TMF1: variants seen among roughly 807,000 people sequenced by gnomAD.
TMF1 encodes TATA element modulatory factor 1, also known as TATA element modulatory factor.
Under a neutral mutation model 126.5 loss-of-function variants are expected in TMF1, and 71 were observed. The ratio of observed to expected loss-of-function variants is 0.56; its 90% confidence interval spans 0.46 to 0.68. The LOEUF (loss-of-function observed/expected upper bound fraction) is 0.68. Among genes scored for constraint, TMF1 ranks in the 30% least tolerant of loss-of-function variants. The pLI is 0.00. For synonymous variants in TMF1, 461 were observed against 430.5 expected (o/e 1.07, Z -0.88); for missense variants, 1,259 against 1,253.2 (o/e 1.00, Z -0.07).
At chr3:69,035,230 C>A in intron 8 of TMF1, 115 bp from the exon 9 acceptor site, 1 of 775,482 alleles carries the variant, frequency 1.3e-6, no homozygotes, top group Non-Finnish European at 2.1e-6. Flanking sequence ...ATTTCATACT[C>A]TCCAATGAAC....
chr3:69,023,330 G>GT lies in TMF1; in HGVS notation c.3139-11dup. 1.3e-6 allele frequency: 2 copies of GT among 1,598,942 alleles called. No individual in the cohort carries two copies. The highest frequency in any genetic ancestry group is 1.1e-5 in the South Asian group (1 of 88,416). On this transcript the variant is annotated splice_polypyrimidine_tract_variant and intron_variant, in intron 16 of 16. Coordinates refer to ENST00000398559, the MANE Select transcript of TMF1 (RefSeq NM_007114.3). The stretch of plus-strand genomic sequence containing the variant: ...ACCTTTGATCCAAATCCTGAAAAAT[G>GT]TATTTGTTTACAATTTTTAAAATAA...
At chr3:69,027,067 C>T (rs2091772361) in intron 13 of TMF1, among the ~76,000 whole-genome samples, 2 of 152,118 alleles carry the variant, frequency 1.3e-5, no homozygotes, top group Admixed American at 6.5e-5. Flanking sequence ...GCGATCTCGG[C>T]TCACTGCAGC....
chr3:69,044,035 A>G (rs115826511), intron 3 of TMF1, among the ~76,000 whole-genome samples, 159 bp from the exon 4 acceptor site: 2,057 of 152,306 alleles, frequency 0.014, 45 homozygotes, highest in African/African-American at 0.047. Flanking sequence ...AAAAAAGGAA[A>G]TTTCCCTTGT....
At chr3:69,050,097 T>C (rs1010252649) in intron 1 of TMF1, among the ~76,000 whole-genome samples, 5 of 151,854 alleles carry the variant, frequency 3.3e-5, no homozygotes, top group Non-Finnish European at 7.4e-5. Context: ...CTGTCTCTAC[T>C]AAAATTACAA....
intron 8 of TMF1, among the ~76,000 whole-genome samples, chr3:69,036,638 A>G (rs1031451285): frequency 1.6e-4 from 24 of 152,240 alleles, no homozygotes; most frequent in African/African-American, 5.8e-4. Flanking sequence ...GCTAAATTGG[A>G]AGTAAATGTC....
intron 11 of TMF1, 46 bp from the exon 12 acceptor site, chr3:69,028,341 G>A (rs750115675): frequency 7.4e-7 from 1 of 1,352,978 alleles, no homozygotes; most frequent in South Asian, 1.2e-5. Flanking sequence ...TGAAAAAGAT[G>A]CTAGTATAGA....
intron 8 of TMF1, 148 bp downstream of exon 8, chr3:69,038,416 A>G: frequency 1.1e-6 from 1 of 909,916 alleles, no homozygotes; most frequent in East Asian, 2.6e-5. Context: ...TTTAAAAAAC[A>G]CAACTGGTTA....
chr3:69,047,344 CT>C lies in TMF1; in HGVS notation c.1347+13del, dbSNP rs767408395. The C allele has an allele frequency of 6.5e-7, 1 of 1,549,804 alleles. No homozygotes were observed. The highest frequency in any genetic ancestry group is 1.4e-5 in the African/African-American group (1 of 72,904). ...AAAGCACATCTAAAAATCCCTTCCACTTACTAGAGTTACCTTGCAAACATCT... is the reference window on the plus strand; with the variant it reads ...AAAGCACATCTAAAAATCCCTTCCACTACTAGAGTTACCTTGCAAACATCT... On this transcript the variant is annotated intron_variant, in intron 2 of 16. Transcript: ENST00000398559.
At chr3:69,044,441 T>C (rs1575818645) in intron 3 of TMF1, 51 bp downstream of exon 3, 2 of 1,037,770 alleles carry the variant, frequency 1.9e-6, no homozygotes, top group East Asian at 2.4e-5. Flanking sequence ...GTACAAAGTA[T>C]ACAGGTTTCC....
chr3:69,046,184 C>T (rs1045475079), intron 2 of TMF1, among the ~76,000 whole-genome samples: 3 of 152,146 alleles, frequency 2.0e-5, no homozygotes, highest in Non-Finnish European at 4.4e-5. Flanking sequence ...CATAATGTAT[C>T]AGTATAAAGC....
At chr3:69,026,919 C>G (rs183290665) in intron 13 of TMF1, among the ~76,000 whole-genome samples, 1 of 152,216 alleles carries the variant, frequency 6.6e-6, no homozygotes, top group Non-Finnish European at 1.5e-5. Context: ...ATTTACCTAT[C>G]GGTAGTTTAA....
At position 69,039,027 on chromosome 3, in the gene TMF1, A is replaced by T; in HGVS notation, c.1828-18T>A. On this transcript the variant is annotated intron_variant, in intron 6 of 16. Transcript: ENST00000398559. ...TCAAGGACCTATATGTTATAAAAAC[A>T]GACAAAAGTATTTTTCAAGAAATAA... 6.7e-7 allele frequency: 1 copy of T among 1,495,314 alleles called. No homozygotes were observed. The allele number at this position is 1,495,314 out of a possible 1,614,324, so 92.6% of individuals were successfully genotyped here. A position where few individuals can be genotyped will look rare whatever the true frequency, so the allele number is the denominator to read the frequency against.
intron 5 of TMF1, among the ~76,000 whole-genome samples, chr3:69,041,216 A>G (rs1035734603): frequency 1.3e-5 from 2 of 152,210 alleles, no homozygotes; most frequent in African/African-American, 2.4e-5. Context: ...TAATGACTTC[A>G]AGACATCTTG....
In TMF1 at chr3:69,024,163, T is replaced by C. The variant is rs1191838412; in HGVS notation, c.3030A>G (p.Leu1010=). ...CAGCCATTATTGATCGAGTTTTTTC[T>C]AGATTGCCAATTTCTAGCTGAGAAG... The part of the protein sequence containing the change: ...ITHLQLEIGN[L]EKTRSIMAEE... Residue 1010 remains leucine, a synonymous_variant, in exon 16 of 17, where the codon CTA becomes CTG. Coordinates refer to ENST00000398559, the MANE Select transcript of TMF1 (RefSeq NM_007114.3). The C allele has an allele frequency of 6.2e-7, 1 of 1,605,152 alleles. No homozygotes were observed. The highest frequency in any genetic ancestry group is 2.2e-5 in the East Asian group (1 of 44,514).
intron 8 of TMF1, among the ~76,000 whole-genome samples, chr3:69,036,588 A>G (rs1050503852): frequency 6.6e-6 from 1 of 152,218 alleles, no homozygotes; most frequent in South Asian, 2.1e-4. Flanking sequence ...AAACTCTAAT[A>G]AAATGGTTAC....
Position 69,038,691 on chromosome 3 carries a change from G to T in TMF1, c.2024C>A (p.Ala675Asp), listed in dbSNP as rs1192390465. Residue 675 changes from alanine (A) to aspartate (D), a missense_variant, in exon 8 of 17, where the codon GCT becomes GAT. By Grantham distance (126) the Ala-to-Asp change is moderately radical. Coordinates refer to ENST00000398559, the MANE Select transcript of TMF1 (RefSeq NM_007114.3). ...TTCCTGTGCCTCACTATCCTTTGCA[G>T]CATTGGCTTTGTGAAGATCAGTAAG... is the stretch of plus-strand genomic sequence containing the variant. ...KELTDLHKANAAKDSEAQEAA... is the reference protein window; with the variant it reads ...KELTDLHKANDAKDSEAQEAA... The T allele has an allele frequency of 6.2e-7, 1 of 1,613,140 alleles. No individual in the cohort carries two copies. The highest frequency in any genetic ancestry group is 8.5e-7 in the Non-Finnish European group (1 of 1,179,790).
rs763817591 is a variant in TMF1 at position 69,047,608 on chromosome 3, TTTGGAG to T, written c.1091_1096del (p.Thr364_Pro365del). ...TTCAGCAGATTCAACTGTTTTAGAC[TTTGGAG>T]TTGAAGAATTAACTATAATAGGCAC... On this transcript the variant is annotated inframe_deletion, in exon 2 of 17. Transcript: ENST00000398559. The T allele has an allele frequency of 1.2e-6, 2 of 1,614,150 alleles. No homozygotes were observed. Among genetic ancestry groups the T allele is most frequent in the East Asian group, 4.5e-5 (2 of 44,880 alleles).
Position 69,048,537 on chromosome 3 carries a change from T to C in TMF1, c.168A>G (p.Gly56=). The C allele has an allele frequency of 1.2e-6, 2 of 1,607,276 alleles. No homozygotes were observed. The highest frequency in any genetic ancestry group is 1.7e-6 in the Non-Finnish European group (2 of 1,176,258). The change falls in exon 2 of 17, where the codon GGA becomes GGG. Residue 56 remains glycine (G), a synonymous_variant. Coordinates refer to ENST00000398559, the MANE Select transcript of TMF1 (RefSeq NM_007114.3). The part of the protein sequence containing the change: ...EPGISSPVSG[G]WDTSTWGLKS... Reference sequence around the variant, plus strand: ...TCAACCCCCAGGTTGAAGTATCCCATCCTCCACTGACAGGGGAACTTATTC... The same window carrying C: ...TCAACCCCCAGGTTGAAGTATCCCACCCTCCACTGACAGGGGAACTTATTC...
chr3:69,046,637 A>G (rs1425003224), intron 2 of TMF1, among the ~76,000 whole-genome samples: 2 of 152,254 alleles, frequency 1.3e-5, no homozygotes, highest in African/African-American at 2.4e-5. Flanking sequence ...TAAAAGTCAC[A>G]GTAAAAACCA....
Sources: gnomAD v4.1 joint callset for allele counts (sites outside exome capture counted in the v4.1 genomes callset) on GRCh38, gnomAD v4.1.1 for gene constraint, MANE v1.5 for transcripts, NCBI Gene and HGNC (gene_info 2026-07-23, HGNC 2026-07-21) for gene names.